Variants in SORCS3 observed in about 807,000 individuals in gnomAD.
SORCS3 encodes VPS10 domain-containing receptor SorCS3.
In SORCS3, 57 loss-of-function variants were observed where a neutral mutation model predicts 146.3. The ratio of observed to expected loss-of-function variants is 0.39; its 90% CI spans 0.31 to 0.49. The LOEUF (loss-of-function observed/expected upper bound fraction) is 0.49. SORCS3 is among the 20% of genes least tolerant of loss of function. The pLI is 0.92. For missense variants in SORCS3, 1,341 were observed against 1,575.5 expected, an observed-to-expected ratio of 0.85 and a Z score of 2.52; for synonymous variants, 653 against 618.5, an observed-to-expected ratio of 1.06 and a Z score of -0.83.
chr10:104,865,539 G>A (rs1040781615), intron 2 of SORCS3, among the ~76,000 whole-genome samples: 2 of 152,006 alleles, frequency 1.3e-5, no homozygotes, highest in Non-Finnish European at 2.9e-5. Context: ...TAAAACCAGC[G>A]CACTTTCAGA....
chr10:104,788,691 T>G (rs1417326904), intron 1 of SORCS3, among the ~76,000 whole-genome samples: 2 of 152,194 alleles, frequency 1.3e-5, no homozygotes, highest in Non-Finnish European at 2.9e-5. Context: ...GAATTTCAGA[T>G]CTAATAGTGG....
intron 1 of SORCS3, among the ~76,000 whole-genome samples, chr10:104,655,436 C>T (rs1055540964): frequency 1.3e-5 from 2 of 152,044 alleles, no homozygotes; most frequent in African/African-American, 4.8e-5. Flanking sequence ...CCAGCATTGT[C>T]TGTTGTTCCT....
chr10:105,049,361 C>G (rs1231279898), intron 5 of SORCS3, among the ~76,000 whole-genome samples: 1 of 152,026 alleles, frequency 6.6e-6, no homozygotes, highest in East Asian at 1.9e-4. Context: ...TTATTGTCCA[C>G]AGTCCATCCC....
At position 105,158,950 on chromosome 10, in the gene SORCS3, G is replaced by A; in HGVS notation, c.1688G>A (p.Arg563Lys). ...QLSENPYSSG[R>K]ISSKETAPGL... ...TCTGAAAATCCATATTCCTCAGGAA[G>A]AATCTCTAGCAAGGAGACAGCCCCA... is the stretch of plus-strand genomic sequence containing the variant. The change falls in exon 11 of 27, where the codon AGA (arginine) becomes AAA (lysine). Residue 563 changes from arginine to lysine, a missense_variant. Transcript: ENST00000369701. 2 of 1,613,220 alleles carry A rather than the reference G, an allele frequency of 1.2e-6. No individual in the cohort carries two copies. Among genetic ancestry groups the A allele is most frequent in the Non-Finnish European group, 1.7e-6 (2 of 1,179,330 alleles).
chr10:104,720,758 G>A (rs1371742113), intron 1 of SORCS3, among the ~76,000 whole-genome samples: 1 of 152,172 alleles, frequency 6.6e-6, no homozygotes, highest in African/African-American at 2.4e-5. Flanking sequence ...GTGTCTGTTG[G>A]CTGCATAAAT....
chr10:104,915,728 G>C, intron 2 of SORCS3, 105 bp from the exon 3 acceptor site: 1 of 893,458 alleles, frequency 1.1e-6, no homozygotes, highest in Non-Finnish European at 1.9e-6. Flanking sequence ...ATATGATTCG[G>C]GAAGAAAGGT....
intron 5 of SORCS3, among the ~76,000 whole-genome samples, chr10:105,050,036 T>TACACACACAC (rs35011679): frequency 6.7e-6 from 1 of 149,226 alleles, no homozygotes; most frequent in Non-Finnish European, 1.5e-5. Context: ...TATATATACA[T>TACACACACAC]ACACACACAC....
At chr10:104,937,043 G>C (rs2019267333) in intron 3 of SORCS3, among the ~76,000 whole-genome samples, 1 of 152,170 alleles carries the variant, frequency 6.6e-6, no homozygotes. Context: ...GGGGGCACAG[G>C]GGGTGATTTC....
intron 7 of SORCS3, among the ~76,000 whole-genome samples, chr10:105,118,943 G>C (rs1029685659): frequency 1.3e-5 from 2 of 152,214 alleles, no homozygotes; most frequent in Admixed American, 1.3e-4. Flanking sequence ...ATTCAAGCCA[G>C]CTGCATAAAT....
At chr10:104,889,150 C>A (rs1435024186) in intron 2 of SORCS3, among the ~76,000 whole-genome samples, 1 of 150,646 alleles carries the variant, frequency 6.6e-6, no homozygotes, top group East Asian at 1.9e-4. Context: ...ATTTTTTTAC[C>A]CCATCTTTTT....
intron 3 of SORCS3, among the ~76,000 whole-genome samples, chr10:104,923,496 G>T (rs2019108712): frequency 6.6e-6 from 1 of 152,214 alleles, no homozygotes; most frequent in Admixed American, 6.5e-5. Context: ...CAGAGCAGCA[G>T]CACTACTTGC....
chr10:105,096,884 T>G (rs921664336), intron 6 of SORCS3, among the ~76,000 whole-genome samples: 1 of 152,246 alleles, frequency 6.6e-6, no homozygotes, highest in Non-Finnish European at 1.5e-5. Context: ...TCCTTGATAA[T>G]TTTTATATTG....
chr10:104,940,391 C>A (rs961838947), intron 3 of SORCS3, among the ~76,000 whole-genome samples: 1 of 104,602 alleles, frequency 9.6e-6, no homozygotes, highest in Non-Finnish European at 2.0e-5. Flanking sequence ...ATCTCTCCCC[C>A]CTCCCCCCAC....
intron 1 of SORCS3, among the ~76,000 whole-genome samples, chr10:104,701,150 G>C (rs1015180253): frequency 2.0e-5 from 3 of 152,098 alleles, no homozygotes; most frequent in Non-Finnish European, 2.9e-5. Context: ...AAACAATCTG[G>C]GCCTGGAGAA....
At chr10:105,169,467 G>A (rs1225923073) in intron 13 of SORCS3, among the ~76,000 whole-genome samples, 2 of 152,046 alleles carry the variant, frequency 1.3e-5, no homozygotes, top group Non-Finnish European at 2.9e-5. Flanking sequence ...TCCTGCAGCA[G>A]GTGATGTGAG....
At chr10:104,752,052 T>A (rs1345344429) in intron 1 of SORCS3, among the ~76,000 whole-genome samples, 1 of 149,286 alleles carries the variant, frequency 6.7e-6, no homozygotes, top group African/African-American at 2.4e-5. Flanking sequence ...TTTTTTTTTT[T>A]GAGGCAGAGT....
intron 7 of SORCS3, among the ~76,000 whole-genome samples, chr10:105,113,144 C>G (rs1275128275): frequency 2.0e-5 from 3 of 152,156 alleles, no homozygotes; most frequent in South Asian, 4.1e-4. Flanking sequence ...ACAAAAGGAT[C>G]CTGCTGCTAA....
At chr10:105,016,038 A>C (rs2055163537) in intron 4 of SORCS3, among the ~76,000 whole-genome samples, 1 of 148,998 alleles carries the variant, frequency 6.7e-6, no homozygotes, top group Non-Finnish European at 1.5e-5. Flanking sequence ...GTAAGGTTCT[A>C]CTTCTTAACT....
intron 18 of SORCS3, 138 bp from the exon 19 acceptor site, chr10:105,216,798 C>T (rs2056667737): frequency 2.6e-6 from 2 of 763,048 alleles, no homozygotes; most frequent in African/African-American, 3.4e-5. Context: ...GGAGTGTGAT[C>T]ATTGTGTTGC....
Sources: allele counts gnomAD v4.1 joint callset (sites outside exome capture counted in the v4.1 genomes callset), GRCh38; gene constraint gnomAD v4.1.1; transcripts MANE v1.5; gene names NCBI Gene and HGNC (gene_info 2026-07-23, HGNC 2026-07-21).